The following MALRD1 variants were observed in gnomAD, a reference collection of about 807,000 sequenced individuals.
The protein encoded by MALRD1 is MAM and LDL receptor class A domain containing 1, also known as MAM and LDL-receptor class A domain-containing protein 1.
MALRD1 carries 247 observed loss-of-function variants against 242.1 expected under a neutral mutation model. That is an observed-to-expected ratio of 1.02 (90% CI 0.92 to 1.13). MALRD1 has a LOEUF of 1.13. MALRD1 is among the 50% of genes most tolerant of loss of function. MALRD1 has a pLI of 0.00. For synonymous variants in MALRD1, 995 were observed against 866.6 expected, an observed-to-expected ratio of 1.15 and a Z score of -2.60; for missense variants, 2,989 against 2,533.1, an observed-to-expected ratio of 1.18 and a Z score of -3.86.
chr10:19,337,285 A>G (rs1039100692), intron 24 of MALRD1, among the ~76,000 whole-genome samples: 2 of 152,176 alleles, frequency 1.3e-5, no homozygotes, highest in African/African-American at 2.4e-5. Flanking sequence ...TATGAGAAAA[A>G]GATAAAACAT....
At chr10:19,052,829 C>G (rs1834549734) in intron 1 of MALRD1, among the ~76,000 whole-genome samples, 1 of 152,174 alleles carries the variant, frequency 6.6e-6, no homozygotes. Context: ...TGAGATTGGC[C>G]TTTGGTAAGG....
chr10:19,334,119 GTTT>G (rs56931838), intron 24 of MALRD1, among the ~76,000 whole-genome samples: 1,235 of 66,710 alleles, frequency 0.019, 19 homozygotes, highest in African/African-American at 0.071. Context: ...CTGTTGGTAG[GTTT>G]TTTTTTTTTT....
intron 5 of MALRD1, among the ~76,000 whole-genome samples, chr10:19,117,144 AG>A (rs1159570805): frequency 6.6e-6 from 1 of 151,910 alleles, no homozygotes; most frequent in African/African-American, 2.4e-5. Context: ...AGAGGGAAGA[AG>A]GGAGAATTAA....
At chr10:19,679,306 T>C (rs1842267741) in intron 36 of MALRD1, among the ~76,000 whole-genome samples, 1 of 152,162 alleles carries the variant, frequency 6.6e-6, no homozygotes, top group Non-Finnish European at 1.5e-5. Flanking sequence ...TATTTGTTGG[T>C]AGACTATTTA....
chr10:19,136,825 G>T (rs1833359756), intron 10 of MALRD1, 44 bp downstream of exon 10: 1 of 1,179,368 alleles, frequency 8.5e-7, no homozygotes, highest in South Asian at 4.3e-5. Context: ...TCTAATTCAA[G>T]ACTGTTAGTT....
At chr10:19,071,197 A>G (rs1564372614) in intron 2 of MALRD1, among the ~76,000 whole-genome samples, 1 of 151,914 alleles carries the variant, frequency 6.6e-6, no homozygotes, top group Non-Finnish European at 1.5e-5. Flanking sequence ...CAAAATATCA[A>G]TTCAATTCCT....
chr10:19,356,687 A>G (rs1844651621), intron 26 of MALRD1, among the ~76,000 whole-genome samples: 1 of 152,156 alleles, frequency 6.6e-6, no homozygotes, highest in East Asian at 1.9e-4. Flanking sequence ...CCCAGTGGAC[A>G]GCAAAGGAGA....
At chr10:19,249,009 T>TTATATGATA (rs1346405285) in intron 18 of MALRD1, among the ~76,000 whole-genome samples, 2 of 147,200 alleles carry the variant, frequency 1.4e-5, no homozygotes, top group Non-Finnish European at 3.0e-5. Flanking sequence ...TTAAATATAT[T>TTATATGATA]TATATGATAT....
intron 36 of MALRD1, among the ~76,000 whole-genome samples, chr10:19,656,559 C>A (rs1841159585): frequency 6.6e-6 from 1 of 152,084 alleles, no homozygotes; most frequent in Non-Finnish European, 1.5e-5. Context: ...GCAACCCTGG[C>A]AGTATTTCAC....
chr10:19,702,913 T>C (rs992918160), intron 38 of MALRD1, among the ~76,000 whole-genome samples: 2 of 152,186 alleles, frequency 1.3e-5, no homozygotes, highest in African/African-American at 4.8e-5. Context: ...TGAAGTAAAC[T>C]TTTGTATTGC....
intron 4 of MALRD1, among the ~76,000 whole-genome samples, chr10:19,088,543 T>C (rs868198222): frequency 0.026 from 3,614 of 141,432 alleles, 151 homozygotes; most frequent in African/African-American, 0.092. Flanking sequence ...TTTCTTTTTT[T>C]TTTTTTTTTA....
At chr10:19,271,591 G>A (rs1011079364) in intron 19 of MALRD1, among the ~76,000 whole-genome samples, 34 of 152,110 alleles carry the variant, frequency 2.2e-4, no homozygotes, top group African/African-American at 8.0e-4. Context: ...GTGAAACCCC[G>A]TCTCTACCAA....
chr10:19,630,742 G>T (rs763196964), intron 36 of MALRD1, among the ~76,000 whole-genome samples: 28 of 152,096 alleles, frequency 1.8e-4, no homozygotes, highest in African/African-American at 5.5e-4. Flanking sequence ...AAGAATAAGT[G>T]AAAGGTATTT....
intron 2 of MALRD1, among the ~76,000 whole-genome samples, chr10:19,077,957 A>C (rs1835367938): frequency 6.7e-6 from 1 of 150,238 alleles, no homozygotes. Context: ...AAAACTCATA[A>C]AGTAATTTTA....
intron 6 of MALRD1, among the ~76,000 whole-genome samples, chr10:19,124,049 A>C (rs914469008): frequency 1.3e-5 from 2 of 150,654 alleles, no homozygotes; most frequent in African/African-American, 4.9e-5. Flanking sequence ...CTACCAAAAA[A>C]AAAAAAAAAA....
chr10:19,183,454 C>T (rs1835605350), intron 14 of MALRD1, among the ~76,000 whole-genome samples: 3 of 151,914 alleles, frequency 2.0e-5, no homozygotes. Context: ...GCAATGCCAC[C>T]CTCAGGATTT....
intron 34 of MALRD1, among the ~76,000 whole-genome samples, chr10:19,600,555 A>G (rs755156655): frequency 4.6e-5 from 7 of 152,226 alleles, no homozygotes; most frequent in Non-Finnish European, 8.8e-5. Flanking sequence ...AAGGGCTTGT[A>G]GCCTTCATTC....
Position 19,389,722 on chromosome 10 carries a change from C to T in MALRD1, c.4845+113C>T, listed in dbSNP as rs1394717996. ...TGGTGCAGTCATGGCTTACTGCAGC[C>T]TCCAACTCCTGGACTCAAGCGATCC... On this transcript the variant is annotated intron_variant, in intron 28 of 39. Transcript: ENST00000454679. 8 of 1,152,660 alleles carry T rather than the reference C, an allele frequency of 6.9e-6. No individual in the cohort carries two copies. In the Admixed American group the frequency reaches 1.2e-4, roughly 17 times the overall value. 71.4% of individuals were successfully genotyped at this position (1,152,660 alleles called of 1,614,324 possible).
chr10:19,295,175 TAC>T (rs1265219942), intron 21 of MALRD1, among the ~76,000 whole-genome samples: 3 of 152,068 alleles, frequency 2.0e-5, no homozygotes, highest in Non-Finnish European at 4.4e-5. Flanking sequence ...AATGAAACCA[TAC>T]ACAGTAGAAT....
Sources: allele counts gnomAD v4.1 joint callset (sites outside exome capture counted in the v4.1 genomes callset), GRCh38; gene constraint gnomAD v4.1.1; transcripts MANE v1.5; gene names NCBI Gene and HGNC (gene_info 2026-07-23, HGNC 2026-07-21).